Variants in NFIB observed in about 807,000 individuals in gnomAD.
The protein encoded by NFIB is nuclear factor 1 B-type.
A neutral mutation model predicts 61.5 loss-of-function variants in NFIB; 11 were observed. The observed-to-expected ratio is 0.18, with a 90% CI of 0.11 to 0.30. NFIB has a LOEUF of 0.30. Ranked by LOEUF, NFIB falls within the 10% of genes least tolerant of loss-of-function variation. The probability of loss-of-function intolerance (pLI) is 1.00; values close to 1 mark genes in which losing one functional copy is unlikely to be tolerated. For missense variants in NFIB, 471 were observed against 608.9 expected (o/e 0.77, Z 2.38); for synonymous variants, 260 against 216.5 (o/e 1.20, Z -1.76).
In NFIB at chr9:14,376,307, T is replaced by G. The variant is rs78366205; in HGVS notation, c.108+22217A>C. Among the ~76,000 whole-genome samples, 848 of 152,050 alleles carry G rather than the reference T, an allele frequency of 5.6e-3. 18 individuals are homozygous for G. The highest frequency in any genetic ancestry group is 0.051 in the South Asian group (247 of 4,818). On this transcript the variant is annotated intron_variant, in intron 1 of 8. Coordinates refer to the NFIB transcript ENST00000380934. ...GGAGCTTACAATCATGTTTTAAACA[T>G]AATTTTTAAAAAAGTTAACATTTTG...
chr9:14,222,535 G>A (rs917944543), intron 2 of NFIB, among the ~76,000 whole-genome samples: 8 of 152,084 alleles, frequency 5.3e-5, no homozygotes, highest in Non-Finnish European at 1.0e-4. Flanking sequence ...AGGCACAGTG[G>A]TTCACACCTA....
chr9:14,354,909 A>G (rs2061157471), intron 1 of NFIB, among the ~76,000 whole-genome samples: 1 of 152,008 alleles, frequency 6.6e-6, no homozygotes, highest in Admixed American at 6.6e-5. Flanking sequence ...TGTTGTGAAC[A>G]CTGTCACTAT....
chr9:14,241,318 C>A lies in NFIB; in HGVS notation c.563-61538G>T, dbSNP rs559775864. On this transcript the variant is annotated intron_variant, in intron 2 of 10. Coordinates refer to ENST00000380953, the MANE Select transcript of NFIB (RefSeq NM_001190737.2). ...GATAAATAGACTATATCAGTATCAACATCCATATCTACCTGTGGCATTTAT... is the reference window on the plus strand; with the variant it reads ...GATAAATAGACTATATCAGTATCAAAATCCATATCTACCTGTGGCATTTAT... Among the ~76,000 whole-genome samples, 146 of 152,264 alleles carry A rather than the reference C, an allele frequency of 9.6e-4. 1 individual carries two copies. The highest frequency in any genetic ancestry group is 3.0e-3 in the African/African-American group (125 of 41,560).
At chr9:14,216,662 T>G (rs1292467965) in intron 2 of NFIB, among the ~76,000 whole-genome samples, 1 of 151,960 alleles carries the variant, frequency 6.6e-6, no homozygotes, top group East Asian at 1.9e-4. Flanking sequence ...AGAGACGCTG[T>G]GTCCTCCAAA....
the NFIB span, among the ~76,000 whole-genome samples, chr9:14,420,434 A>C: frequency 7.8e-6 from 1 of 127,544 alleles, no homozygotes; most frequent in Non-Finnish European, 1.6e-5. Flanking sequence ...CAACAGAGCG[A>C]GACTCCGTCT....
At chr9:14,170,968 C>T (rs1351710856) in intron 3 of NFIB, among the ~76,000 whole-genome samples, 2 of 152,098 alleles carry the variant, frequency 1.3e-5, no homozygotes, top group Non-Finnish European at 2.9e-5. Context: ...CTTATGACAC[C>T]ATTTCAGATA....
chr9:14,105,547 T>C (rs2036432104), intron 10 of NFIB, among the ~76,000 whole-genome samples: 2 of 152,156 alleles, frequency 1.3e-5, no homozygotes, highest in South Asian at 4.1e-4. Flanking sequence ...TAATAAACCT[T>C]CTTGGTCATA....
At chr9:14,273,852 C>T (rs1050089814) in intron 2 of NFIB, among the ~76,000 whole-genome samples, 1 of 152,176 alleles carries the variant, frequency 6.6e-6, no homozygotes, top group Non-Finnish European at 1.5e-5. Flanking sequence ...AAAGTCTCCT[C>T]CCAAGAGGCA....
the NFIB span, among the ~76,000 whole-genome samples, chr9:14,494,564 A>T: frequency 6.6e-6 from 1 of 152,184 alleles, no homozygotes; most frequent in Non-Finnish European, 1.5e-5. Flanking sequence ...AGTGCTACGA[A>T]GCTGGCAGAG....
At chr9:14,369,741 A>G (rs1401659399) in intron 1 of NFIB, among the ~76,000 whole-genome samples, 2 of 152,194 alleles carry the variant, frequency 1.3e-5, no homozygotes. Flanking sequence ...AGGTTTTCAA[A>G]TCTAGCTTTT....
At chr9:14,092,951 C>T (rs2034175220) in intron 10 of NFIB, among the ~76,000 whole-genome samples, 1 of 152,012 alleles carries the variant, frequency 6.6e-6, no homozygotes, top group Non-Finnish European at 1.5e-5. Flanking sequence ...GCAGAAATTG[C>T]TCTCGGCAGC....
At chr9:14,219,429 A>C (rs1289985222) in intron 2 of NFIB, among the ~76,000 whole-genome samples, 1 of 140,522 alleles carries the variant, frequency 7.1e-6, no homozygotes, top group Non-Finnish European at 1.5e-5. Context: ...GATTTTTCCA[A>C]ATACGATGTA....
chr9:14,347,941 G>C (rs1242056439), intron 1 of NFIB, among the ~76,000 whole-genome samples: 2 of 152,196 alleles, frequency 1.3e-5, no homozygotes, highest in Non-Finnish European at 2.9e-5. Flanking sequence ...CGCGTCGCAC[G>C]CGGTGTCTGG....
chr9:14,469,855 T>C, the NFIB span, among the ~76,000 whole-genome samples: 2 of 152,350 alleles, frequency 1.3e-5, no homozygotes, highest in Admixed American at 6.5e-5. Context: ...CCAAATCATA[T>C]AAATGATTAC....
intron 6 of NFIB, among the ~76,000 whole-genome samples, chr9:14,126,789 G>C (rs199691616): frequency 6.6e-6 from 1 of 152,122 alleles, no homozygotes. Flanking sequence ...AATGGAGGGC[G>C]GACTGGCCAA....
chr9:14,400,219 A>G (rs1390272939), upstream of NFIB, among the ~76,000 whole-genome samples: 1 of 152,188 alleles, frequency 6.6e-6, no homozygotes, highest in Non-Finnish European at 1.5e-5. Flanking sequence ...TAAACATAAA[A>G]TGTCTTAACT....
chr9:14,255,032 G>T (rs955680084), intron 2 of NFIB, among the ~76,000 whole-genome samples: 4 of 152,014 alleles, frequency 2.6e-5, no homozygotes, highest in Admixed American at 6.6e-5. Context: ...CACCAGCCTG[G>T]GCAACATAGC....
At chr9:14,116,946 A>G (rs929366842) in intron 8 of NFIB, among the ~76,000 whole-genome samples, 9 of 152,338 alleles carry the variant, frequency 5.9e-5, no homozygotes, top group African/African-American at 2.2e-4. Context: ...ACATTAGGCA[A>G]TTTAGATTCC....
intron 8 of NFIB, among the ~76,000 whole-genome samples, chr9:14,117,401 T>A (rs1326582805): frequency 3.3e-5 from 5 of 152,188 alleles, no homozygotes; most frequent in Non-Finnish European, 7.4e-5. Context: ...TATACCCATG[T>A]TGGAATTCTC....
Sources: allele counts gnomAD v4.1 joint callset (sites outside exome capture counted in the v4.1 genomes callset), GRCh38; gene constraint gnomAD v4.1.1; transcripts MANE v1.5; gene names NCBI Gene and HGNC (gene_info 2026-07-23, HGNC 2026-07-21).